The following ANKRD30BL variants were observed in gnomAD, a reference collection of about 807,000 sequenced individuals.
ANKRD30BL encodes ankyrin repeat domain 30B like.
A neutral mutation model predicts 18.4 loss-of-function variants in ANKRD30BL; 20 were observed. The observed-to-expected ratio is 1.09, with a 90% CI of 0.77 to 1.58. The LOEUF is 1.58. Ranked by LOEUF, ANKRD30BL falls within the 40% of genes most tolerant of loss-of-function variation. ANKRD30BL has a pLI of 0.00. For missense variants in ANKRD30BL, 224 were observed against 268.6 expected (o/e 0.83, Z 1.16); for synonymous variants, 72 against 100.9 (o/e 0.71, Z 1.72).
intron 1 of ANKRD30BL, among the ~76,000 whole-genome samples, chr2:132,241,460 T>C (rs376579292): frequency 1.3e-5 from 2 of 151,570 alleles, no homozygotes; most frequent in Non-Finnish European, 3.0e-5. Context: ...CTTTTTGTAT[T>C]ATCTGGAAGT....
At chr2:132,196,191 G>A (rs1678966868) in intron 1 of ANKRD30BL, among the ~76,000 whole-genome samples, 1 of 151,648 alleles carries the variant, frequency 6.6e-6, no homozygotes, top group South Asian at 2.1e-4. Context: ...ATAAAAACAG[G>A]CAAAAGGCCA....
chr2:132,201,159 G>C (rs1241611834), intron 1 of ANKRD30BL, among the ~76,000 whole-genome samples: 1 of 152,082 alleles, frequency 6.6e-6, no homozygotes, highest in Admixed American at 6.6e-5. Context: ...ATGTATTAAA[G>C]ACTTAAATGT....
At chr2:132,257,892 C>T (rs538891194) in exon 1 of ANKRD30BL, 1 of 153,572 alleles carries the variant, frequency 6.5e-6, no homozygotes, top group Admixed American at 6.6e-5. Context: ...AGGCAAAGCA[C>T]CTCCAAGTAA....
rs1289805569 is a variant in ANKRD30BL at position 132,161,521 on chromosome 2, G to A, written c.185C>T (p.Thr62Ile). Residue 62 changes from threonine to isoleucine, a missense_variant, in exon 1 of 6, where the codon ACA (threonine) becomes ATA (isoleucine). Physicochemically the swap from Thr to Ile is moderately conservative, Grantham distance 89 (BLOSUM62 -1). Around this residue, in one of 3 missense-constraint regions of ANKRD30BL, gnomAD observed 131 missense variants for 128.8 expected, o/e 1.02. Transcript: ENST00000409867. ...WKLERMMKKT[T>I]MDLNIRDAKK... ...CGCATCTCTTATGTTCAGGTCCATT[G>A]TCGTCTTCTTCATCATCCTCTCCAG... 8.9e-6 allele frequency: 13 copies of A among 1,456,728 alleles called. No homozygotes were observed. The highest frequency in any genetic ancestry group is 1.2e-5 in the Non-Finnish European group (13 of 1,063,392). 90.2% of individuals were successfully genotyped at this position (1,456,728 alleles called of 1,614,324 possible).
intron 1 of ANKRD30BL, among the ~76,000 whole-genome samples, chr2:132,158,312 A>G (rs970650375): frequency 6.6e-6 from 1 of 152,154 alleles, no homozygotes; most frequent in African/African-American, 2.4e-5. Context: ...GGCTTATTTT[A>G]TTCCATGTTT....
chr2:132,148,760 T>C (rs1006292671), intron 5 of ANKRD30BL, among the ~76,000 whole-genome samples: 1 of 152,150 alleles, frequency 6.6e-6, no homozygotes, highest in African/African-American at 2.4e-5. Context: ...TAAGTGATAA[T>C]TATAAGCTCC....
At chr2:132,247,835 TG>T (rs1680544548) in intron 1 of ANKRD30BL, among the ~76,000 whole-genome samples, 1 of 152,008 alleles carries the variant, frequency 6.6e-6, no homozygotes, top group East Asian at 1.9e-4. Flanking sequence ...GTTTCTGAAT[TG>T]TGCATTCATA....
chr2:132,187,188 G>GTTT lies in ANKRD30BL; in HGVS notation n.442-30045_442-30043dup, dbSNP rs1193358076. Among the ~76,000 whole-genome samples the GTTT allele has an allele frequency of 4.3e-3, 393 of 90,578 alleles. 1 individual carries two copies. Among genetic ancestry groups the GTTT allele is most frequent in the Non-Finnish European group, 5.0e-3 (224 of 45,188 alleles). 59.4% of individuals were successfully genotyped at this position (90,578 alleles called of 152,430 possible). A position where few individuals can be genotyped will look rare whatever the true frequency, so the allele number is the denominator to read the frequency against. ...AAGTTTTTTGTTTTTTTTTTTGTTT[G>GTTT]TTTTTTTTTTTTTTTTTTTTTGAGA... On this transcript the variant is annotated intron_variant and non_coding_transcript_variant, in intron 1 of 4. Transcript: ENST00000470729.
chr2:132,208,200 T>G (rs1679247813), intron 1 of ANKRD30BL, among the ~76,000 whole-genome samples: 1 of 152,150 alleles, frequency 6.6e-6, no homozygotes, highest in African/African-American at 2.4e-5. Flanking sequence ...TGAGTCCCAC[T>G]CACAGCTGAC....
intron 1 of ANKRD30BL, among the ~76,000 whole-genome samples, chr2:132,191,652 T>C (rs1270946296): frequency 6.6e-6 from 1 of 152,176 alleles, no homozygotes; most frequent in East Asian, 1.9e-4. Flanking sequence ...TTATCCATCA[T>C]TCATATATCT....
chr2:132,233,034 C>T (rs1680064586), intron 1 of ANKRD30BL, among the ~76,000 whole-genome samples: 1 of 152,054 alleles, frequency 6.6e-6, no homozygotes, highest in African/African-American at 2.4e-5. Flanking sequence ...CGATATTCAA[C>T]ATTCTTAAAG....
At chr2:132,224,088 A>T (rs1573862279) in intron 1 of ANKRD30BL, among the ~76,000 whole-genome samples, 1 of 151,594 alleles carries the variant, frequency 6.6e-6, no homozygotes, top group African/African-American at 2.4e-5. Flanking sequence ...AATCGGCAAG[A>T]GGATATTTGT....
chr2:132,150,091 C>G (rs1271563556), intron 5 of ANKRD30BL, among the ~76,000 whole-genome samples: 1 of 152,060 alleles, frequency 6.6e-6, no homozygotes, highest in Admixed American at 6.6e-5. Context: ...AGCACCCTAA[C>G]TCTCATGTTG....
intron 1 of ANKRD30BL, among the ~76,000 whole-genome samples, chr2:132,160,698 G>A (rs1361398661): frequency 6.6e-6 from 1 of 152,034 alleles, no homozygotes; most frequent in Non-Finnish European, 1.5e-5. Context: ...AAAGTGCTGG[G>A]ATTACAGGCA....
At chr2:132,230,271 C>T (rs1373025741) in intron 1 of ANKRD30BL, among the ~76,000 whole-genome samples, 3 of 151,842 alleles carry the variant, frequency 2.0e-5, no homozygotes, top group East Asian at 1.9e-4. Flanking sequence ...ATTTATGGAC[C>T]GCTTTGAGGC....
At chr2:132,193,141 G>T (rs559889022) in intron 1 of ANKRD30BL, among the ~76,000 whole-genome samples, 1 of 152,288 alleles carries the variant, frequency 6.6e-6, no homozygotes, top group African/African-American at 2.4e-5. Context: ...ATGACAAGCT[G>T]CCAGCCTTGG....
At chr2:132,206,954 C>CCTCA (rs1376107923) in intron 1 of ANKRD30BL, among the ~76,000 whole-genome samples, 1 of 152,194 alleles carries the variant, frequency 6.6e-6, no homozygotes, top group Non-Finnish European at 1.5e-5. Context: ...CCTCACATGG[C>CCTCA]CATCTCCTCC....
At chr2:132,194,527 CTTTAA>C (rs1678925459) in intron 1 of ANKRD30BL, among the ~76,000 whole-genome samples, 1 of 152,182 alleles carries the variant, frequency 6.6e-6, no homozygotes. Context: ...CAATGAGTAA[CTTTAA>C]TTTAAGGAGT....
chr2:132,220,338 C>CTCCCTCTCCCTG (rs1315633630), intron 1 of ANKRD30BL, among the ~76,000 whole-genome samples: 1 of 97,870 alleles, frequency 1.0e-5, no homozygotes, highest in Non-Finnish European at 1.8e-5. Context: ...CCCTCTCCCT[C>CTCCCTCTCCCTG]TCCCTCTCCC....
Sources: gnomAD v4.1 joint callset for allele counts (sites outside exome capture counted in the v4.1 genomes callset) on GRCh38, gnomAD v4.1.1 for gene constraint, gnomAD v4.1.1 regional missense constraint, MANE v1.5 for transcripts, NCBI Gene and HGNC (gene_info 2026-07-23, HGNC 2026-07-21) for gene names.